The following ADPRH variants were observed in gnomAD, a reference collection of about 807,000 sequenced individuals.
ADPRH encodes ADP-ribose-L-arginine cleaving enzyme.
Under a neutral mutation model 28.8 loss-of-function variants are expected in ADPRH, and 27 were observed. The observed-to-expected ratio is 0.94, with a 90% CI of 0.69 to 1.29. ADPRH has a LOEUF of 1.29. Ranked by LOEUF, ADPRH falls within the 50% of genes most tolerant of loss-of-function variation. ADPRH has a pLI of 0.00. For missense variants in ADPRH, 419 were observed against 444.8 expected, an observed-to-expected ratio of 0.94 and a Z score of 0.52; for synonymous variants, 161 against 166.9, an observed-to-expected ratio of 0.96 and a Z score of 0.27.
In ADPRH at chr3:119,584,077, CA is replaced by C. The variant is rs569031372; in HGVS notation, c.298+1619del. Among the ~76,000 whole-genome samples the C allele has an allele frequency of 7.4e-3, 1,085 of 147,150 alleles. 18 individuals are homozygous for C. The highest frequency in any genetic ancestry group is 0.025 in the African/African-American group (1,004 of 40,116). On this transcript the variant is annotated intron_variant, in intron 3 of 4. Transcript: ENST00000357003. The stretch of plus-strand genomic sequence containing the variant: ...ACAGGCATGAGCCACCATGCCTGGC[CA>C]AAAAAAAACTTTTTTTTAAAAAATA...
Position 119,582,115 on chromosome 3 carries a change from T to C in ADPRH, c.-36-19T>C, listed in dbSNP as rs1471806473. 2.0e-6 allele frequency: 3 copies of C among 1,518,000 alleles called. No individual in the cohort carries two copies. In the East Asian group the frequency reaches 6.8e-5, roughly 35 times the overall value. 94.0% of individuals were successfully genotyped at this position (1,518,000 alleles called of 1,614,324 possible). Reference sequence around the variant, plus strand: ...CTTGCTCCTCATCCTATTTCCTTTGTCTTAATTTCCCCACAAAGACACCCT... The same window carrying C: ...CTTGCTCCTCATCCTATTTCCTTTGCCTTAATTTCCCCACAAAGACACCCT... On this transcript the variant is annotated intron_variant, in intron 2 of 4. Transcript: ENST00000357003.
chr3:119,582,070 C>A, intron 2 of ADPRH, 64 bp from the exon 3 acceptor site: 1 of 1,234,582 alleles, frequency 8.1e-7, no homozygotes, highest in South Asian at 1.5e-5. Flanking sequence ...TAGCTAGAGT[C>A]GTTGTTTTTT....
rs745780292 is a variant in ADPRH at position 119,587,801 on chromosome 3, T to C, written c.997T>C (p.Tyr333His). The change falls in exon 5 of 5, where the codon TAC becomes CAC. Residue 333 changes from tyrosine (Y) to histidine (H), a missense_variant. Transcript: ENST00000357003. ...TCCCTCCAACTATGAGAAACTAGAA[T>C]ACAGAAACCGGCTGGAAGAGACAGC... ...VSPSNYEKLE[Y>H]RNRLEETARA... 2 of 1,614,112 alleles carry C rather than the reference T, an allele frequency of 1.2e-6. No individual in the cohort carries two copies. The highest frequency in any genetic ancestry group is 4.5e-5 in the East Asian group (2 of 44,886).
chr3:119,588,416 T>C lies in ADPRH; in HGVS notation c.*538T>C, dbSNP rs1246032805. On this transcript the variant is annotated 3_prime_UTR_variant, in exon 5 of 5. Transcript: ENST00000357003. ...AAGCATTCCTCAGAACTGTCCCATT[T>C]GAAGGGCAAGCAAACCTGGGGTATT... The C allele has an allele frequency of 1.3e-5, 2 of 152,274 alleles. No homozygotes were observed. The highest frequency in any genetic ancestry group is 2.9e-5 in the Non-Finnish European group (2 of 68,074). The allele number at this position is 152,274 out of a possible 1,614,324, so 9.4% of individuals were successfully genotyped here.
At position 119,586,599 on chromosome 3, in the gene ADPRH, T is replaced by A; in HGVS notation, c.613T>A (p.Tyr205Asn). ...GGAGCTGCTACCAGAAGCTAAAAAG[T>A]ACATTGTCCAATCAGGCTACTTTGT... ...LMELLPEAKK[Y>N]IVQSGYFVEE... is the part of the protein sequence containing the mutation. Residue 205 changes from tyrosine (Y) to asparagine (N), a missense_variant, in exon 4 of 5, where the codon TAC (tyrosine) becomes AAC (asparagine). By Grantham distance (143) the Tyr-to-Asn change is moderately radical. Transcript: ENST00000357003. 1 of 1,614,168 alleles carries A rather than the reference T, an allele frequency of 6.2e-7. No homozygotes were observed. Among genetic ancestry groups the A allele is most frequent in the Non-Finnish European group, 8.5e-7 (1 of 1,180,012 alleles).
chr3:119,587,070 G>A (rs114331087), intron 4 of ADPRH, among the ~76,000 whole-genome samples: 112 of 152,250 alleles, frequency 7.4e-4, no homozygotes, highest in Middle Eastern at 3.4e-3. Context: ...TCCCCTTCTC[G>A]TGAGTTCACT....
Position 119,582,178 on chromosome 3 carries a change from G to T in ADPRH, c.9G>T (p.Lys3Asn). ...GCAATTGTGAGGGACTGATGGAGAA[G>T]TATGTGGCTGCTATGGTGCTGAGTG... Reference protein sequence around the residue: MEKYVAAMVLSAA... With the variant: MENYVAAMVLSAA... Residue 3 changes from lysine to asparagine, a missense_variant, in exon 3 of 5, where the codon AAG becomes AAT. Coordinates refer to ENST00000357003, the MANE Select transcript of ADPRH (RefSeq NM_001125.4). The T allele has an allele frequency of 6.2e-7, 1 of 1,604,526 alleles. No homozygotes were observed. Among genetic ancestry groups the T allele is most frequent in the Non-Finnish European group, 8.5e-7 (1 of 1,173,004 alleles).
intron 2 of ADPRH, among the ~76,000 whole-genome samples, chr3:119,580,990 A>G (rs1321790054): frequency 6.6e-6 from 1 of 151,046 alleles, no homozygotes; most frequent in East Asian, 1.9e-4. Context: ...CAGAACACCC[A>G]TTTTCCCTGG....
At position 119,586,506 on chromosome 3, in the gene ADPRH, G is replaced by A; in HGVS notation, c.520G>A (p.Ala174Thr). 5 of 1,614,202 alleles carry A rather than the reference G, an allele frequency of 3.1e-6. No individual in the cohort carries two copies. Among genetic ancestry groups the A allele is most frequent in the Middle Eastern group, 1.6e-4 (1 of 6,062 alleles). Residue 174 changes from alanine (A) to threonine (T), a missense_variant, in exon 4 of 5, where the codon GCG (alanine) becomes ACG (threonine). Ala to Thr is a moderately conservative substitution (Grantham distance 58, BLOSUM62 0). Coordinates refer to ENST00000357003, the MANE Select transcript of ADPRH (RefSeq NM_001125.4). ...CCCAACAGGCTACCTGGGGGCCCTT[G>A]CGTCTGCTCTTTTTACAGCCTATGC... ...HHPTGYLGALASALFTAYAVN... is the reference protein window; with the variant it reads ...HHPTGYLGALTSALFTAYAVN...
At position 119,580,578 on chromosome 3, in the gene ADPRH, A is replaced by G. The variant is rs536917830; in HGVS notation, c.-95A>G. The G allele has an allele frequency of 6.6e-6, 1 of 152,358 alleles. No individual in the cohort carries two copies. Among genetic ancestry groups the G allele is most frequent in the Admixed American group, 6.5e-5 (1 of 15,302 alleles). 9.4% of individuals were successfully genotyped at this position (152,358 alleles called of 1,614,324 possible). Reference sequence around the variant, plus strand: ...GCTCTCCAGCCTGCATTCCATGGCCAACAGCAGTGCAGCTGCAGAAGCACT... The same window carrying G: ...GCTCTCCAGCCTGCATTCCATGGCCGACAGCAGTGCAGCTGCAGAAGCACT... On this transcript the variant is annotated 5_prime_UTR_variant, in exon 2 of 5. Coordinates refer to ENST00000357003, the MANE Select transcript of ADPRH (RefSeq NM_001125.4).
At chr3:119,585,994 A>G (rs1317319951) in intron 3 of ADPRH, among the ~76,000 whole-genome samples, 1 of 152,188 alleles carries the variant, frequency 6.6e-6, no homozygotes, top group Non-Finnish European at 1.5e-5. Flanking sequence ...TAAAAAAGAG[A>G]ACAATATACT....
In ADPRH at chr3:119,586,207, A is replaced by C. The variant is rs56659708; in HGVS notation, c.299-78A>C. The C allele has an allele frequency of 7.9e-4, 1,244 of 1,567,724 alleles. 7 individuals are homozygous for C. The African/African-American group carries it at 0.014, about 18-fold the overall frequency. On this transcript the variant is annotated intron_variant, in intron 3 of 4. Transcript: ENST00000357003. Reference sequence around the variant, plus strand: ...CTTTCCATCAAAAATACTTGGAGACAGAGTTTAGTTATTTATTCCTGCTGG... The same window carrying C: ...CTTTCCATCAAAAATACTTGGAGACCGAGTTTAGTTATTTATTCCTGCTGG...
At position 119,580,498 on chromosome 3, in the gene ADPRH, C is replaced by G. The variant is rs1003167820; in HGVS notation, c.-122-53C>G. On this transcript the variant is annotated intron_variant, in intron 1 of 4. Transcript: ENST00000357003. ...TTGTGAGCTCAGAAACTCAGCATTA[C>G]CAGTAACTGGGTAGTGGAACGCATC... The G allele has an allele frequency of 2.6e-5, 4 of 152,182 alleles. No individual in the cohort carries two copies. The East Asian group carries it at 7.7e-4, about 29-fold the overall frequency. The allele number at this position is 152,182 out of a possible 1,614,324, so 9.4% of individuals were successfully genotyped here. A position where few individuals can be genotyped will look rare whatever the true frequency, so the allele number is the denominator to read the frequency against.
chr3:119,586,264 C>T (rs1468727285), intron 3 of ADPRH, 21 bp from the exon 4 acceptor site: 1 of 1,612,026 alleles, frequency 6.2e-7, no homozygotes, highest in African/African-American at 1.3e-5. Context: ...AACCCCCATC[C>T]CTTATCCGAC....
chr3:119,581,122 C>T (rs1315098740), intron 2 of ADPRH, among the ~76,000 whole-genome samples: 1 of 140,458 alleles, frequency 7.1e-6, no homozygotes, highest in Non-Finnish European at 1.5e-5. Context: ...GGCTGGAGTG[C>T]AGTGGCACAA....
chr3:119,582,164 G>A lies in ADPRH; in HGVS notation c.-6G>A. The A allele has an allele frequency of 6.3e-7, 1 of 1,593,352 alleles. No individual in the cohort carries two copies. Among genetic ancestry groups the A allele is most frequent in the Non-Finnish European group, 8.6e-7 (1 of 1,165,604 alleles). On this transcript the variant is annotated 5_prime_UTR_variant, in exon 3 of 5. Coordinates refer to ENST00000357003, the MANE Select transcript of ADPRH (RefSeq NM_001125.4). ...CTCTCCAGAGCCCAGCAATTGTGAG[G>A]GACTGATGGAGAAGTATGTGGCTGC...
chr3:119,586,634 T>G lies in ADPRH; in HGVS notation c.648T>G (p.Asn216Lys). 6.2e-7 allele frequency: 1 copy of G among 1,613,578 alleles called. No individual in the cohort carries two copies. The highest frequency in any genetic ancestry group is 2.2e-5 in the East Asian group (1 of 44,886). ...IVQSGYFVEENLQHWSYFQTK... is the reference protein window; with the variant it reads ...IVQSGYFVEEKLQHWSYFQTK... ...AATCAGGCTACTTTGTAGAGGAAAA[T>G]CTTCAACACTGGTGAGTCTGTAAGC... Residue 216 changes from asparagine to lysine, a missense_variant, in exon 4 of 5, where the codon AAT becomes AAG. By Grantham distance (94) the Asn-to-Lys change is moderately conservative. Transcript: ENST00000357003.
At position 119,587,690 on chromosome 3, in the gene ADPRH, G is replaced by A. The variant is rs1560069127; in HGVS notation, c.886G>A (p.Ala296Thr). 1.9e-6 allele frequency: 3 copies of A among 1,614,108 alleles called. No homozygotes were observed. Among genetic ancestry groups the A allele is most frequent in the African/African-American group, 2.7e-5 (2 of 74,946 alleles). Reference sequence around the variant, plus strand: ...CTCCTGGAAGGAGCTTGCCCACCGAGCCTTTTTCCATGGTGGAGACAGTGA... The same window carrying A: ...CTCCTGGAAGGAGCTTGCCCACCGAACCTTTTTCCATGGTGGAGACAGTGA... Reference protein sequence around the residue: ...GDSWKELAHRAFFHGGDSDST... With the variant: ...GDSWKELAHRTFFHGGDSDST... Residue 296 changes from alanine to threonine, a missense_variant, in exon 5 of 5, where the codon GCC becomes ACC. Transcript: ENST00000357003.
At chr3:119,582,735 C>G (rs1199355546) in intron 3 of ADPRH, among the ~76,000 whole-genome samples, 6 of 152,200 alleles carry the variant, frequency 3.9e-5, no homozygotes, top group Non-Finnish European at 5.9e-5. Context: ...TAGCCAATCC[C>G]TCTTCTAGAG....
Sources: gnomAD v4.1 joint callset for allele counts (sites outside exome capture counted in the v4.1 genomes callset) on GRCh38, gnomAD v4.1.1 for gene constraint, MANE v1.5 for transcripts, NCBI Gene and HGNC (gene_info 2026-07-23, HGNC 2026-07-21) for gene names.